GGT1: variants seen among roughly 807,000 people sequenced by gnomAD.
GGT1 encodes the protein glutathione hydrolase 1 proenzyme.
In GGT1, 21 loss-of-function variants were observed where a neutral mutation model predicts 56.0. The observed-to-expected ratio is 0.38, with a 90% CI of 0.27 to 0.54. The LOEUF is 0.54. GGT1 is among the 20% of genes least tolerant of loss of function. The pLI, the probability that GGT1 is intolerant of heterozygous loss-of-function variation, is 0.82. For missense variants in GGT1, 466 were observed against 787.0 expected (o/e 0.59, Z 4.88); for synonymous variants, 238 against 342.6 (o/e 0.69, Z 3.37).
intron 5 of GGT1, among the ~76,000 whole-genome samples, chr22:24,611,589 TCTATCTATCTA>T (rs1216566358): frequency 2.1e-4 from 25 of 119,332 alleles, no homozygotes; most frequent in Admixed American, 1.3e-3. Context: ...TATCTATCTA[TCTATCTATCTA>T]CTATCTATCT....
intron 5 of GGT1, among the ~76,000 whole-genome samples, 177 bp downstream of exon 5, chr22:24,611,422 A>G (rs2046647384): frequency 6.6e-6 from 1 of 151,990 alleles, no homozygotes; most frequent in Admixed American, 6.6e-5. Context: ...CTAGAGCCAA[A>G]CAGGGCCCCT....
rs1349789657 is a variant in GGT1, at chr22:24,627,863, A to C, written c.1220A>C (p.Lys407Thr). 1.9e-6 allele frequency: 3 copies of C among 1,613,536 alleles called. No individual in the cohort carries two copies. Among genetic ancestry groups the C allele is most frequent in the East Asian group, 4.5e-5 (2 of 44,876 alleles). The change falls in exon 13 of 16, where the codon AAG becomes ACG. Residue 407 changes from lysine to threonine, a missense_variant. By Grantham distance (78) the Lys-to-Thr change is moderately conservative. This residue lies in a region of GGT1 where 456 missense variants were observed against 716.7 expected (regional missense o/e 0.64). Transcript: ENST00000400382. ...TSTINLYFGS[K>T]VRSPVSGILF... Reference sequence around the variant, plus strand: ...TGGCTGGGCGGTAGCTTTGGCTCCAAGGTCCGCTCCCCGGTCAGCGGGATC... The same window carrying C: ...TGGCTGGGCGGTAGCTTTGGCTCCACGGTCCGCTCCCCGGTCAGCGGGATC...
At chr22:24,618,932 G>C (rs573137767) in intron 7 of GGT1, among the ~76,000 whole-genome samples, 111 of 152,166 alleles carry the variant, frequency 7.3e-4, no homozygotes, top group South Asian at 5.0e-3. Flanking sequence ...GCCCAGGGGT[G>C]TGTTTCCAAT....
chr22:24,592,327 G>A (rs1389390692), upstream of GGT1: 1 of 470,332 alleles, frequency 2.1e-6, no homozygotes, highest in Non-Finnish European at 4.4e-6. Flanking sequence ...GGTGATGCAT[G>A]GATGGCTCTC....
chr22:24,624,148 T>A (rs990305938), intron 11 of GGT1: 1 of 985,214 alleles, frequency 1.0e-6, no homozygotes, highest in Non-Finnish European at 1.2e-6. Context: ...CTACCTCAGG[T>A]CCTTTGCACA....
rs546464955 is a variant in GGT1, at chr22:24,616,342, A to G, written c.382+1215A>G. On this transcript the variant is annotated intron_variant, in intron 7 of 15. Transcript: ENST00000400382. ...GGCAGGAGAATCGCTTGAACCCAGG[A>G]GGAGGAGATTGCAGTGAGCCGAGAT... 6.2e-4 allele frequency among the ~76,000 whole-genome samples: 94 copies of G among 151,088 alleles called. No individual in the cohort carries two copies. The South Asian group carries it at 0.019, about 31-fold the overall frequency.
chr22:24,617,119 G>A lies in GGT1; in HGVS notation c.382+1992G>A, dbSNP rs546382543. On this transcript the variant is annotated intron_variant, in intron 7 of 15. Transcript: ENST00000400382. ...TGTGTTACGGGCTGTAGAAAAACAG[G>A]TCTGGAGGGCCTCAAAATCTGGGAC... is the stretch of plus-strand genomic sequence containing the variant. Among the ~76,000 whole-genome samples the A allele has an allele frequency of 9.2e-5, 14 of 152,280 alleles. No individual in the cohort carries two copies. In the East Asian group the frequency reaches 2.7e-3, roughly 29 times the overall value.
chr22:24,623,831 C>T lies in GGT1; in HGVS notation c.935C>T (p.Thr312Met), dbSNP rs376872779. The change falls in exon 11 of 16, where the codon ACG becomes ATG. Residue 312 changes from threonine (T) to methionine (M), a missense_variant. By Grantham distance (81) the Thr-to-Met change is moderately conservative. Coordinates refer to ENST00000400382, the MANE Select transcript of GGT1 (RefSeq NM_001288833.2). Reference protein sequence around the residue: ...SVESPEQKGLTYHRIVEAFRF... With the variant: ...SVESPEQKGLMYHRIVEAFRF... ...GAGAGCCCCGAGCAGAAGGGCCTGA[C>T]GTACCACCGCATCGTAGAGGCTTTC... 155 of 1,611,760 alleles carry T rather than the reference C, an allele frequency of 9.6e-5. No individual in the cohort carries two copies. The highest frequency in any genetic ancestry group is 2.2e-4 in the Middle Eastern group (1 of 4,452).
At chr22:24,626,360 T>TCG (rs58312345) in intron 11 of GGT1, among the ~76,000 whole-genome samples, 2 of 108,496 alleles carry the variant, frequency 1.8e-5, no homozygotes, top group African/African-American at 3.8e-5. Flanking sequence ...GTCCATCCTC[T>TCG]GTCTCCTCCT....
At chr22:24,583,750 G>A in the GGT1 span, 21 of 471,084 alleles carry the variant, frequency 4.5e-5, no homozygotes, top group South Asian at 1.9e-4. Flanking sequence ...ATCTGCTGCC[G>A]CCTGGATTCT....
chr22:24,592,686 C>A (rs1344006035), upstream of GGT1: 1 of 1,166,104 alleles, frequency 8.6e-7, no homozygotes, highest in Non-Finnish European at 1.1e-6. Context: ...CCACGCAAGA[C>A]CCCGCGTGCT....
rs1485815899 is a variant in GGT1 at position 24,627,870 on chromosome 22, C to T, written c.1227C>T (p.Arg409=). ...GCGGTAGCTTTGGCTCCAAGGTCCG[C>T]TCCCCGGTCAGCGGGATCCTGTTCA... ...TINLYFGSKV[R]SPVSGILFNN... The change falls in exon 13 of 16, where the codon CGC becomes CGT. Residue 409 remains arginine, a synonymous_variant. Coordinates refer to ENST00000400382, the MANE Select transcript of GGT1 (RefSeq NM_001288833.2). 1.9e-6 allele frequency: 3 copies of T among 1,613,824 alleles called. No individual in the cohort carries two copies. The highest frequency in any genetic ancestry group is 2.2e-5 in the South Asian group (2 of 91,072).
At chr22:24,587,188 G>A in the GGT1 span, among the ~76,000 whole-genome samples, 1 of 152,194 alleles carries the variant, frequency 6.6e-6, no homozygotes, top group Non-Finnish European at 1.5e-5. Context: ...CAAAGGGACG[G>A]CTATTAGGCT....
intron 7 of GGT1, among the ~76,000 whole-genome samples, chr22:24,619,400 G>GAA (rs372709571): frequency 4.5e-4 from 43 of 96,428 alleles, no homozygotes; most frequent in African/African-American, 7.9e-4. Context: ...CTCCATCTCA[G>GAA]AAAAAAAAAA....
At chr22:24,589,084 C>T in the GGT1 span, 1 of 1,073,770 alleles carries the variant, frequency 9.3e-7, no homozygotes, top group Non-Finnish European at 1.1e-6. Flanking sequence ...TAGGGGCCGA[C>T]TGTGCAGAGA....
At chr22:24,598,743 G>T (rs1304430482), upstream of GGT1, among the ~76,000 whole-genome samples, 1 of 152,118 alleles carries the variant, frequency 6.6e-6, no homozygotes, top group African/African-American at 2.4e-5. Context: ...TGTAGAGATG[G>T]GGTCTCTCTA....
chr22:24,592,946 C>G, upstream of GGT1: 1 of 1,225,956 alleles, frequency 8.2e-7, no homozygotes, highest in Non-Finnish European at 1.0e-6. Flanking sequence ...AGCCACCGCA[C>G]CCGGCGCTCG....
At chr22:24,597,904 G>C in intron 1 of GGT1, 1 of 152,272 alleles carries the variant, frequency 6.6e-6, no homozygotes, top group South Asian at 2.1e-4. Context: ...TTGAGGGCTT[G>C]GTCCCACAAG....
chr22:24,616,111 CAA>C (rs112572592), intron 7 of GGT1: 54 of 120,406 alleles, frequency 4.5e-4, no homozygotes, highest in Admixed American at 5.0e-4. Context: ...GAGACCCTGC[CAA>C]AAAAAAAAAA....
Sources: allele counts gnomAD v4.1 joint callset (sites outside exome capture counted in the v4.1 genomes callset), GRCh38; gene constraint gnomAD v4.1.1; regional missense constraint gnomAD v4.1.1; transcripts MANE v1.5; gene names NCBI Gene and HGNC (gene_info 2026-07-23, HGNC 2026-07-21).